The following KATNIP variants were observed in gnomAD, a reference collection of about 807,000 sequenced individuals.
KATNIP encodes the protein katanin interacting protein.
A neutral mutation model predicts 174.0 loss-of-function variants in KATNIP; 126 were observed. The observed-to-expected ratio is 0.72, with a 90% CI of 0.63 to 0.84. The LOEUF (loss-of-function observed/expected upper bound fraction) is 0.84. Ranked by LOEUF, KATNIP falls within the 40% of genes least tolerant of loss-of-function variation. KATNIP has a pLI of 0.00. For missense variants in KATNIP, 1,958 were observed against 2,109.7 expected (o/e 0.93, Z 1.41); for synonymous variants, 810 against 835.7 (o/e 0.97, Z 0.53).
In KATNIP at chr16:27,715,102, C is replaced by G. The variant is rs1039867380; in HGVS notation, c.1605+6182C>G. Among the ~76,000 whole-genome samples the G allele has an allele frequency of 5.1e-4, 77 of 152,198 alleles. 1 individual carries two copies. The highest frequency in any genetic ancestry group is 4.6e-3 in the Admixed American group (70 of 15,274). ...ACTGGCATAGGATAGACATATAGAT[C>G]AATGAAATAGAATTGAGCATCCATA... On this transcript the variant is annotated intron_variant, in intron 13 of 27. Transcript: ENST00000261588.
intron 2 of KATNIP, among the ~76,000 whole-genome samples, chr16:27,617,751 T>G (rs559433647): frequency 2.8e-4 from 43 of 152,214 alleles, no homozygotes; most frequent in Middle Eastern, 3.4e-3. Flanking sequence ...CCCTCCCCTT[T>G]TTGTTCTTTG....
chr16:27,750,110 C>G lies in KATNIP; in HGVS notation c.3150C>G (p.Ala1050=). 6.2e-7 allele frequency: 1 copy of G among 1,614,172 alleles called. No individual in the cohort carries two copies. Among genetic ancestry groups the G allele is most frequent in the Non-Finnish European group, 8.5e-7 (1 of 1,180,034 alleles). The change falls in exon 16 of 28, where the codon GCC becomes GCG. Residue 1050 remains alanine (A), a synonymous_variant. Coordinates refer to ENST00000261588, the MANE Select transcript of KATNIP (RefSeq NM_015202.5). ...AGGATGACATGCATGTCTGGCTGGCCCCCTTCACGCGGGGCAGATCCCACT... is the reference window on the plus strand; with the variant it reads ...AGGATGACATGCATGTCTGGCTGGCGCCCTTCACGCGGGGCAGATCCCACT... ...RTQDDMHVWL[A]PFTRGRSHSI... is the part of the protein sequence containing the mutation.
At chr16:27,585,557 G>A (rs1231676054) in intron 2 of KATNIP, among the ~76,000 whole-genome samples, 1 of 152,120 alleles carries the variant, frequency 6.6e-6, no homozygotes, top group Admixed American at 6.5e-5. Context: ...AGAGAATGTG[G>A]TACACACACA....
At position 27,628,901 on chromosome 16, in the gene KATNIP, C is replaced by T. The variant is rs537350481; in HGVS notation, c.310+71C>T. ...ATTAATTAGGGGCAGGGTGCAGTGG[C>T]TCACACCTGTAATCACATCACTTTG... On this transcript the variant is annotated intron_variant, in intron 4 of 27. Transcript: ENST00000261588. 25 of 1,479,328 alleles carry T rather than the reference C, an allele frequency of 1.7e-5. No individual in the cohort carries two copies. In the South Asian group the frequency reaches 2.6e-4, roughly 15 times the overall value. The allele number at this position is 1,479,328 out of a possible 1,614,324, so 91.6% of individuals were successfully genotyped here. A position where few individuals can be genotyped will look rare whatever the true frequency, so the allele number is the denominator to read the frequency against.
chr16:27,677,768 AG>A lies in KATNIP; in HGVS notation c.582del (p.Lys195AsnfsTer103), dbSNP rs2078176131. On this transcript the variant is annotated frameshift_variant, in exon 7 of 28. Transcript: ENST00000261588. LOFTEE classifies it high-confidence loss of function. Reference sequence around the variant, plus strand: ...CCTGGAACTTAGTGTAAATCTACAAAGGAAACAAAAGGATTGTTCCAGCGAT... The same window carrying A: ...CCTGGAACTTAGTGTAAATCTACAAAGAAACAAAAGGATTGTTCCAGCGAT... Reference protein sequence around the residue: ...RSLELSVNLQRKQKDCSSDEY... With the variant: ...RSLELSVNLQXKQKDCSSDEY... 1 of 1,613,120 alleles carries A rather than the reference AG, an allele frequency of 6.2e-7. No individual in the cohort carries two copies. The highest frequency in any genetic ancestry group is 8.5e-7 in the Non-Finnish European group (1 of 1,179,192).
In KATNIP at chr16:27,776,981, A is replaced by AC. The variant is rs1949583361; in HGVS notation, c.4504dup (p.Leu1502ProfsTer44). 1 of 1,614,056 alleles carries AC rather than the reference A, an allele frequency of 6.2e-7. No individual in the cohort carries two copies. The highest frequency in any genetic ancestry group is 8.5e-7 in the Non-Finnish European group (1 of 1,179,910). On this transcript the variant is annotated frameshift_variant, in exon 25 of 28. Transcript: ENST00000261588. LOFTEE classifies it high-confidence loss of function. This position sits in a 1 kb window ranked among gnomAD's most constrained non-coding sequence, Gnocchi z 4.7. The stretch of plus-strand genomic sequence containing the variant: ...TGCCTACCACCGTGTCAATGATCAA[A>AC]CTGTGGAATTATGCGAAAACACCCC...
At chr16:27,609,330 A>G (rs561434648) in intron 2 of KATNIP, among the ~76,000 whole-genome samples, 2 of 138,180 alleles carry the variant, frequency 1.4e-5, no homozygotes, top group Admixed American at 7.3e-5. Flanking sequence ...AAGTTTCACT[A>G]TGGTGGTCAG....
intron 2 of KATNIP, among the ~76,000 whole-genome samples, chr16:27,613,922 C>T (rs2075969085): frequency 1.3e-5 from 2 of 151,936 alleles, no homozygotes; most frequent in East Asian, 1.9e-4. Context: ...TGTTGTTTCT[C>T]GGGTTTTTTA....
At chr16:27,719,688 CTT>C (rs766052561) in intron 13 of KATNIP, among the ~76,000 whole-genome samples, 4 of 138,656 alleles carry the variant, frequency 2.9e-5, no homozygotes, top group Admixed American at 7.2e-5. Context: ...GCCCTTATTT[CTT>C]TTTTTTTTTT....
At chr16:27,557,593 A>G (rs996144130) in intron 1 of KATNIP, among the ~76,000 whole-genome samples, 1 of 151,702 alleles carries the variant, frequency 6.6e-6, no homozygotes, top group African/African-American at 2.4e-5. Context: ...ATGCCCAGCT[A>G]ATTTTTTATT....
At chr16:27,749,247 A>G (rs182565866) in intron 15 of KATNIP, among the ~76,000 whole-genome samples, 3 of 152,306 alleles carry the variant, frequency 2.0e-5, no homozygotes, top group African/African-American at 7.2e-5. Context: ...TGTTTTTGCA[A>G]AAACAACCAG....
intron 3 of KATNIP, among the ~76,000 whole-genome samples, chr16:27,619,951 T>G (rs2076146844): frequency 1.3e-5 from 2 of 152,166 alleles, no homozygotes; most frequent in South Asian, 4.1e-4. Context: ...TTTTATTCAA[T>G]CTCTGGCAGA....
chr16:27,590,981 C>T (rs1216073135), intron 2 of KATNIP, among the ~76,000 whole-genome samples: 2 of 152,170 alleles, frequency 1.3e-5, no homozygotes, highest in African/African-American at 4.8e-5. Flanking sequence ...TCTGTGGACT[C>T]GGGTAGGAGA....
chr16:27,673,664 C>G (rs895279222), intron 6 of KATNIP, among the ~76,000 whole-genome samples: 1 of 152,294 alleles, frequency 6.6e-6, no homozygotes, highest in South Asian at 2.1e-4. Context: ...ACCTCTCCCC[C>G]AGTTGTGATC....
intron 2 of KATNIP, among the ~76,000 whole-genome samples, chr16:27,603,149 A>G (rs1308615348): frequency 2.0e-5 from 3 of 152,370 alleles, no homozygotes; most frequent in East Asian, 1.9e-4. Flanking sequence ...CAGAAGGCCA[A>G]TCAGGATCCA....
intron 18 of KATNIP, chr16:27,755,052 C>T (rs1246403063): frequency 1.3e-5 from 2 of 152,702 alleles, no homozygotes; most frequent in Non-Finnish European, 2.9e-5. Context: ...ATTGTGATCT[C>T]CTCCCTCCTG....
At chr16:27,611,735 G>T (rs920509602) in intron 2 of KATNIP, among the ~76,000 whole-genome samples, 8 of 152,186 alleles carry the variant, frequency 5.3e-5, no homozygotes, top group African/African-American at 1.9e-4. Context: ...CAAGGAAACT[G>T]AGGCTCAGAT....
At chr16:27,677,339 A>G (rs2078155589) in intron 6 of KATNIP, among the ~76,000 whole-genome samples, 2 of 152,018 alleles carry the variant, frequency 1.3e-5, no homozygotes, top group African/African-American at 4.8e-5. Flanking sequence ...TAGAAATGTA[A>G]ATCCTCAGGC....
chr16:27,587,204 G>A (rs2090936304), intron 2 of KATNIP, among the ~76,000 whole-genome samples: 1 of 152,184 alleles, frequency 6.6e-6, no homozygotes, highest in Non-Finnish European at 1.5e-5. Context: ...AGAATTAAAA[G>A]ACTAATACAT....
Sources: gnomAD v4.1 joint callset for allele counts (sites outside exome capture counted in the v4.1 genomes callset) on GRCh38, gnomAD v4.1.1 for gene constraint, Gnocchi (gnomAD v3.1) non-coding constraint, MANE v1.5 for transcripts, NCBI Gene and HGNC (gene_info 2026-07-23, HGNC 2026-07-21) for gene names.